Variants in EPB41L3 observed in about 807,000 individuals in gnomAD.
EPB41L3 encodes the protein erythrocyte membrane protein band 4.1 like 3, also known as band 4.1-like protein 3.
A neutral mutation model predicts 127.1 loss-of-function variants in EPB41L3; 57 were observed. The observed-to-expected ratio is 0.45, with a 90% CI of 0.36 to 0.56. The LOEUF (loss-of-function observed/expected upper bound fraction) is 0.56, where lower values mean the gene tolerates loss of function less well. Among genes scored for constraint, EPB41L3 ranks in the 20% least tolerant of loss-of-function variants. The probability of loss-of-function intolerance (pLI) is 0.00; values close to 1 mark genes in which losing one functional copy is unlikely to be tolerated. For synonymous variants in EPB41L3, 572 were observed against 549.5 expected (o/e 1.04, Z -0.57); for missense variants, 1,273 against 1,372.2 (o/e 0.93, Z 1.14).
rs2094070544 is a variant in EPB41L3 at position 5,558,309 on chromosome 18, C to A, written c.-306+54031G>T. ...TCTTTTCATCAATGCAGAAACAGAA[C>A]ACTCTGACAGATATGAGGACTTATT... On this transcript the variant is annotated intron_variant, in intron 3 of 21. Transcript: ENST00000545076. Among the ~76,000 whole-genome samples the A allele has an allele frequency of 2.6e-5, 4 of 152,188 alleles. 1 individual carries two copies. In the South Asian group the frequency reaches 8.3e-4, roughly 31 times the overall value.
chr18:5,511,807 G>A (rs1346087019), intron 1 of EPB41L3, among the ~76,000 whole-genome samples: 1 of 152,086 alleles, frequency 6.6e-6, no homozygotes, highest in Non-Finnish European at 1.5e-5. Context: ...CCTTCCAGAC[G>A]CATACAGACA....
rs531984218 is a variant in EPB41L3, at chr18:5,595,201, CTT to C, written c.-306+17137_-306+17138del. Among the ~76,000 whole-genome samples the C allele has an allele frequency of 3.9e-3, 597 of 152,294 alleles. 5 individuals carry two copies. Among genetic ancestry groups the C allele is most frequent in the African/African-American group, 0.014 (565 of 41,554 alleles). On this transcript the variant is annotated intron_variant, in intron 3 of 21. Coordinates refer to the EPB41L3 transcript ENST00000545076. ...CCAATACCCTCCATTGAAAGAAATG[CTT>C]TGTTTCCAAGAGAATCCTTGGAGCT...
At chr18:5,630,607 G>T (rs375899267), upstream of EPB41L3, 2 of 476,492 alleles carry the variant, frequency 4.2e-6, no homozygotes, top group Non-Finnish European at 8.3e-6. Context: ...GGCTCCTCCC[G>T]CAGCTGCGGT....
intron 3 of EPB41L3, among the ~76,000 whole-genome samples, chr18:5,563,169 A>G (rs2094155414): frequency 6.6e-6 from 1 of 152,220 alleles, no homozygotes; most frequent in African/African-American, 2.4e-5. Flanking sequence ...AATAGTCATT[A>G]GTATGGGGAA....
In EPB41L3 at chr18:5,416,073, T is replaced by C. The variant is rs1266031654; in HGVS notation, c.1812A>G (p.Gly604=). 6.2e-7 allele frequency: 1 copy of C among 1,612,936 alleles called. No homozygotes were observed. ...ESFPSLLDDD[G]YLSFPNLSET... Reference sequence around the variant, plus strand: ...CAGAAAGGTTGGGGAAAGAGAGGTATCCATCATCATCTAGGAGGGAGGGGA... The same window carrying C: ...CAGAAAGGTTGGGGAAAGAGAGGTACCCATCATCATCTAGGAGGGAGGGGA... Residue 604 remains glycine (G), a synonymous_variant, in exon 13 of 23, where the codon GGA becomes GGG. Transcript: ENST00000341928.
At chr18:5,411,594 T>A (rs1379885123) in intron 13 of EPB41L3, among the ~76,000 whole-genome samples, 6 of 148,818 alleles carry the variant, frequency 4.0e-5, no homozygotes, top group Non-Finnish European at 1.5e-5. Flanking sequence ...TAATATTAAC[T>A]GACTTTCCCT....
intron 3 of EPB41L3, among the ~76,000 whole-genome samples, chr18:5,565,049 A>G (rs2094180171): frequency 6.6e-6 from 1 of 152,162 alleles, no homozygotes; most frequent in South Asian, 2.1e-4. Flanking sequence ...TGCCCCTGGG[A>G]GCACACAGCT....
chr18:5,585,999 A>G (rs1248532559), intron 3 of EPB41L3, among the ~76,000 whole-genome samples: 1 of 152,130 alleles, frequency 6.6e-6, no homozygotes, highest in Non-Finnish European at 1.5e-5. Flanking sequence ...TTACCATTTC[A>G]GCCCTAGGGG....
rs867646234 is a variant in EPB41L3 at position 5,397,017 on chromosome 18, G to C, written c.2841+41C>G. The C allele has an allele frequency of 2.0e-6, 3 of 1,534,238 alleles. No homozygotes were observed. In the Middle Eastern group the frequency reaches 5.3e-4, roughly 271 times the overall value. On this transcript the variant is annotated intron_variant, in intron 18 of 22. Transcript: ENST00000341928. This position sits in a 1 kb window ranked among gnomAD's most constrained non-coding sequence, Gnocchi z 4.1. ...CTAAATTTCCAGGCATCCTATATCA[G>C]TTTTATTTTAGTGATAAAAGTAACA...
intron 1 of EPB41L3, among the ~76,000 whole-genome samples, chr18:5,495,724 G>A (rs1478243600): frequency 6.6e-6 from 1 of 152,200 alleles, no homozygotes; most frequent in Non-Finnish European, 1.5e-5. Flanking sequence ...AAGAGCGCAG[G>A]GAGGCACTGT....
intron 3 of EPB41L3, among the ~76,000 whole-genome samples, chr18:5,575,620 T>G (rs1037691076): frequency 6.6e-6 from 1 of 152,102 alleles, no homozygotes; most frequent in Non-Finnish European, 1.5e-5. Flanking sequence ...GTGGATCACC[T>G]GAGGTCAGGA....
chr18:5,425,019 G>C (rs554879586), intron 9 of EPB41L3, among the ~76,000 whole-genome samples: 13 of 152,210 alleles, frequency 8.5e-5, no homozygotes, highest in Non-Finnish European at 1.8e-4. Context: ...ATTTTTCGAG[G>C]TGAAATACTC....
chr18:5,570,774 A>T (rs1427159472), intron 3 of EPB41L3: 2 of 152,120 alleles, frequency 1.3e-5, no homozygotes, highest in African/African-American at 4.8e-5. Context: ...TATGTTGGGA[A>T]CTTCCTTTAC....
At chr18:5,517,280 GT>G (rs2092787223) in intron 1 of EPB41L3, among the ~76,000 whole-genome samples, 1 of 151,950 alleles carries the variant, frequency 6.6e-6, no homozygotes, top group Non-Finnish European at 1.5e-5. Flanking sequence ...GACTGAAAAG[GT>G]CTCCCGCTTA....
intron 3 of EPB41L3, among the ~76,000 whole-genome samples, chr18:5,557,742 T>C (rs940795879): frequency 6.6e-6 from 1 of 152,182 alleles, no homozygotes; most frequent in African/African-American, 2.4e-5. Context: ...ACAGGCCTCA[T>C]TTGGAATCAC....
chr18:5,519,302 G>A (rs1022618311), intron 1 of EPB41L3, among the ~76,000 whole-genome samples: 4 of 152,220 alleles, frequency 2.6e-5, no homozygotes, highest in African/African-American at 9.6e-5. Flanking sequence ...AATCTTACAG[G>A]AGAGTATGGG....
At chr18:5,496,730 C>T (rs552361812) in intron 1 of EPB41L3, among the ~76,000 whole-genome samples, 4 of 152,318 alleles carry the variant, frequency 2.6e-5, no homozygotes, top group East Asian at 3.9e-4. Context: ...ACTGACAAGG[C>T]TTTTTTGCTT....
intron 1 of EPB41L3, among the ~76,000 whole-genome samples, chr18:5,496,611 A>G (rs2091203189): frequency 6.6e-6 from 1 of 152,246 alleles, no homozygotes; most frequent in Non-Finnish European, 1.5e-5. Context: ...AAGTTCCCAG[A>G]CTAGGATTCC....
rs571717948 is a variant in EPB41L3 at position 5,582,698 on chromosome 18, C to G, written c.-306+29642G>C. On this transcript the variant is annotated intron_variant, in intron 3 of 21. Coordinates refer to the EPB41L3 transcript ENST00000545076. ...TTTGGAAAGGAAGAAACTGAGTCCC[C>G]TATGGCTAAGTGACTTATTGATTCT... is the stretch of plus-strand genomic sequence containing the variant. Among the ~76,000 whole-genome samples, 18 of 152,270 alleles carry G rather than the reference C, an allele frequency of 1.2e-4. No individual in the cohort carries two copies. In the South Asian group the frequency reaches 3.7e-3, roughly 32 times the overall value.
Sources: gnomAD v4.1 joint callset for allele counts (sites outside exome capture counted in the v4.1 genomes callset) on GRCh38, gnomAD v4.1.1 for gene constraint, Gnocchi (gnomAD v3.1) non-coding constraint, MANE v1.5 for transcripts, NCBI Gene and HGNC (gene_info 2026-07-23, HGNC 2026-07-21) for gene names.